The following TRIM5 variants were observed in gnomAD, a reference collection of about 807,000 sequenced individuals.
The protein encoded by TRIM5 is tripartite motif-containing protein 5.
TRIM5 carries 31 observed loss-of-function variants against 35.6 expected under a neutral mutation model. The ratio of observed to expected loss-of-function variants is 0.87; its 90% CI spans 0.65 to 1.18. TRIM5 has a LOEUF of 1.18. Among genes scored for constraint, TRIM5 ranks in the 50% most tolerant of loss-of-function variants. TRIM5 has a pLI of 0.00. For missense variants in TRIM5, 609 were observed against 591.6 expected (o/e 1.03, Z -0.31); for synonymous variants, 243 against 215.6 (o/e 1.13, Z -1.11).
chr11:5,617,607 GC>G, the TRIM5 span, among the ~76,000 whole-genome samples: 1 of 141,154 alleles, frequency 7.1e-6, no homozygotes, highest in Non-Finnish European at 1.5e-5. Context: ...ACCAGCCTCG[GC>G]CTCCCGAGTA....
chr11:5,631,001 C>T, the TRIM5 span, among the ~76,000 whole-genome samples: 5 of 152,228 alleles, frequency 3.3e-5, no homozygotes, highest in Non-Finnish European at 5.9e-5. Flanking sequence ...CTTCATCGCT[C>T]CTAAATGTGG....
At position 5,680,160 on chromosome 11, in the gene TRIM5, C is replaced by G. The variant is rs1852324048; in HGVS notation, c.18G>C (p.Leu6=). 1.2e-6 allele frequency: 2 copies of G among 1,608,712 alleles called. No homozygotes were observed. The highest frequency in any genetic ancestry group is 1.7e-6 in the Non-Finnish European group (2 of 1,176,960). Residue 6 remains leucine, a synonymous_variant, in exon 2 of 8, where the codon CTG becomes CTC. Transcript: ENST00000380034. Reference sequence around the variant, plus strand: ...AGGTCACCTCCTCCTTTACATTAACCAGGATTCCAGAAGCCATAGTAGCTA... The same window carrying G: ...AGGTCACCTCCTCCTTTACATTAACGAGGATTCCAGAAGCCATAGTAGCTA... MASGI[L]VNVKEEVTCP... is the part of the protein sequence containing the mutation.
the TRIM5 span, among the ~76,000 whole-genome samples, chr11:5,633,146 C>CTTTT: frequency 2.2e-4 from 24 of 106,782 alleles, no homozygotes; most frequent in African/African-American, 3.5e-4. Context: ...CCTTTTCTTT[C>CTTTT]TTTTTTTTTT....
At chr11:5,654,560 G>A in the TRIM5 span, among the ~76,000 whole-genome samples, 1 of 152,134 alleles carries the variant, frequency 6.6e-6, no homozygotes, top group East Asian at 1.9e-4. Context: ...GTGGTGCCAG[G>A]GGCCAGGCAT....
the TRIM5 span, among the ~76,000 whole-genome samples, chr11:5,630,291 T>G: frequency 6.6e-6 from 1 of 152,164 alleles, no homozygotes; most frequent in Non-Finnish European, 1.5e-5. Flanking sequence ...AATGATAACC[T>G]TTTTTTCCCC....
chr11:5,620,359 A>G, the TRIM5 span, among the ~76,000 whole-genome samples: 33 of 150,956 alleles, frequency 2.2e-4, no homozygotes, highest in African/African-American at 7.5e-4. Context: ...TTGTATTTTT[A>G]GTAGAGACGG....
At chr11:5,605,416 G>T in the TRIM5 span, 3 of 1,614,144 alleles carry the variant, frequency 1.9e-6, no homozygotes, top group South Asian at 3.3e-5. Context: ...GTGGAGCAAC[G>T]GGAGCTGAAA....
intron 4 of TRIM5, among the ~76,000 whole-genome samples, chr11:5,672,356 C>T (rs1851644266): frequency 6.6e-6 from 1 of 152,004 alleles, no homozygotes; most frequent in African/African-American, 2.4e-5. Context: ...GGATTACAGG[C>T]ACGTGCCACC....
At chr11:5,604,293 C>T in the TRIM5 span, among the ~76,000 whole-genome samples, 1 of 152,136 alleles carries the variant, frequency 6.6e-6, no homozygotes, top group Admixed American at 6.5e-5. Context: ...GGATTACAGG[C>T]GTGAGCCACA....
At chr11:5,618,557 CAAAAT>C in the TRIM5 span, among the ~76,000 whole-genome samples, 16 of 152,036 alleles carry the variant, frequency 1.1e-4, no homozygotes, top group African/African-American at 7.2e-5. Context: ...TGTTGAAAAA[CAAAAT>C]AAAATCATTT....
At chr11:5,670,395 C>T (rs1851499962) in intron 4 of TRIM5, among the ~76,000 whole-genome samples, 1 of 151,690 alleles carries the variant, frequency 6.6e-6, no homozygotes, top group Non-Finnish European at 1.5e-5. Flanking sequence ...CCGTGTAAGC[C>T]AGGATGGTCT....
downstream of TRIM5, among the ~76,000 whole-genome samples, chr11:5,662,623 T>G (rs2134005417): frequency 6.6e-6 from 1 of 152,256 alleles, no homozygotes. Context: ...TAAAACAACT[T>G]AAGACTAGGC....
intron 1 of TRIM5, among the ~76,000 whole-genome samples, chr11:5,683,784 C>T (rs547371511): frequency 5.9e-5 from 9 of 152,122 alleles, no homozygotes; most frequent in African/African-American, 1.4e-4. Context: ...ACAGACCACT[C>T]GGCTCTCTGT....
Position 5,679,876 on chromosome 11 carries a change from TTC to T in TRIM5, c.300_301del (p.Lys101ThrfsTer17), listed in dbSNP as rs767745961. ...GTCCTCCTGACAGAAGAGTAGAAGT[TTC>T]TCTCCATGGCGTGCACAATGATCAA... On this transcript the variant is annotated frameshift_variant, in exon 2 of 8. Transcript: ENST00000380034. LOFTEE classifies it high-confidence loss of function. 4 of 1,613,580 alleles carry T rather than the reference TTC, an allele frequency of 2.5e-6. No homozygotes were observed. The South Asian group carries it at 3.3e-5, about 13-fold the overall frequency.
chr11:5,649,783 T>C, the TRIM5 span, among the ~76,000 whole-genome samples: 1 of 152,198 alleles, frequency 6.6e-6, no homozygotes, highest in African/African-American at 2.4e-5. Context: ...TATCCACCCC[T>C]TGATTTATAG....
chr11:5,621,782 C>G, the TRIM5 span, among the ~76,000 whole-genome samples: 46,706 of 151,966 alleles, frequency 0.31, 7,810 homozygotes, highest in East Asian at 0.62. Context: ...TAATCAGAAA[C>G]TCAAAAGAAT....
At chr11:5,602,266 T>A in the TRIM5 span, among the ~76,000 whole-genome samples, 1 of 141,026 alleles carries the variant, frequency 7.1e-6, no homozygotes, top group South Asian at 2.2e-4. Flanking sequence ...CAGTGAAACC[T>A]CATCTCTACT....
the TRIM5 span, among the ~76,000 whole-genome samples, chr11:5,629,749 C>A: frequency 6.6e-6 from 1 of 152,190 alleles, no homozygotes; most frequent in Non-Finnish European, 1.5e-5. Context: ...GCTCTGTCGC[C>A]CGGGCTGGAG....
the TRIM5 span, chr11:5,605,181 A>G: frequency 4.0e-6 from 4 of 991,350 alleles, no homozygotes; most frequent in South Asian, 5.5e-5. Context: ...GAAGGAAAGA[A>G]CAGGCTACAA....
Sources: gnomAD v4.1 joint callset for allele counts (sites outside exome capture counted in the v4.1 genomes callset) on GRCh38, gnomAD v4.1.1 for gene constraint, MANE v1.5 for transcripts, NCBI Gene and HGNC (gene_info 2026-07-23, HGNC 2026-07-21) for gene names.